Variants in LDLRAP1 observed in about 807,000 individuals in gnomAD.
LDLRAP1 encodes the protein low density lipoprotein receptor adapter protein 1.
LDLRAP1 carries 30 observed loss-of-function variants against 37.8 expected under a neutral mutation model. The ratio of observed to expected loss-of-function variants is 0.79; its 90% CI spans 0.59 to 1.08. The LOEUF is 1.08. Among genes scored for constraint, LDLRAP1 ranks in the 50% least tolerant of loss-of-function variants. The pLI is 0.00. For synonymous variants in LDLRAP1, 156 were observed against 169.8 expected, an observed-to-expected ratio of 0.92 and a Z score of 0.63; for missense variants, 375 against 401.6, an observed-to-expected ratio of 0.93 and a Z score of 0.57.
At chr1:25,576,546 T>TAAAACAAAATA in the LDLRAP1 span, among the ~76,000 whole-genome samples, 1 of 151,794 alleles carries the variant, frequency 6.6e-6, no homozygotes, top group East Asian at 1.9e-4. Context: ...AAAAACAAAA[T>TAAAACAAAATA]AAAACAAAAT....
At position 25,562,685 on chromosome 1, in the gene LDLRAP1, CGCCTT is replaced by C; in HGVS notation, c.502_506del (p.Ala168Ter). 6.2e-7 allele frequency: 1 copy of C among 1,614,172 alleles called. No homozygotes were observed. Among genetic ancestry groups the C allele is most frequent in the Non-Finnish European group, 8.5e-7 (1 of 1,180,030 alleles). On this transcript the variant is annotated frameshift_variant, in exon 5 of 9. Coordinates refer to ENST00000374338, the MANE Select transcript of LDLRAP1 (RefSeq NM_015627.3). LOFTEE classifies it high-confidence loss of function. ...TCACCGTAGCCCAGGCCTTCAAAGTCGCCTTTGAGTTTTGGCAGGTGTCCAAGGAA... is the reference window on the plus strand; with the variant it reads ...TCACCGTAGCCCAGGCCTTCAAAGTCTGAGTTTTGGCAGGTGTCCAAGGAA...
the LDLRAP1 span, among the ~76,000 whole-genome samples, chr1:25,585,761 C>A: frequency 1.3e-5 from 2 of 152,224 alleles, no homozygotes; most frequent in Non-Finnish European, 2.9e-5. Flanking sequence ...TCCCTTTCTA[C>A]TGCCTACTCC....
At position 25,563,140 on chromosome 1, in the gene LDLRAP1, C is replaced by T. The variant is rs1357309888; in HGVS notation, c.603C>T (p.Pro201=). ...TGGGGGCCCGCCAAGACTGCACCCC[C>T]TCCTTGAAGAGCTGTGAGTCCTGAC... The part of the protein sequence containing the change: ...DVLGARQDCT[P]SLKSLVATGN... The change falls in exon 6 of 9, where the codon CCC becomes CCT. Residue 201 remains proline (P), a synonymous_variant. Coordinates refer to ENST00000374338, the MANE Select transcript of LDLRAP1 (RefSeq NM_015627.3). 5 of 1,607,058 alleles carry T rather than the reference C, an allele frequency of 3.1e-6. No homozygotes were observed. The Admixed American group carries it at 8.3e-5, about 27-fold the overall frequency.
At chr1:25,561,749 A>G (rs75471743) in intron 4 of LDLRAP1, among the ~76,000 whole-genome samples, 4,714 of 152,260 alleles carry the variant, frequency 0.031, 81 homozygotes, top group African/African-American at 0.037. Flanking sequence ...CCTCAGGTGA[A>G]TGTAATTCAC....
chr1:25,561,963 G>C (rs1045594736), intron 4 of LDLRAP1, among the ~76,000 whole-genome samples: 1 of 152,180 alleles, frequency 6.6e-6, no homozygotes, highest in Non-Finnish European at 1.5e-5. Flanking sequence ...TGACATCTGA[G>C]TTGGGTTTGG....
At position 25,567,170 on chromosome 1, in the gene LDLRAP1, T is replaced by G; in HGVS notation, c.*178T>G. On this transcript the variant is annotated 3_prime_UTR_variant, in exon 9 of 9. Transcript: ENST00000374338. ...GAGAGATTTTTCTTTTAAGCCCTGC[T>G]CTTTCTCTGAGAACCAAAAGATGCC... The G allele has an allele frequency of 1.4e-6, 1 of 721,704 alleles. No homozygotes were observed. Among genetic ancestry groups the G allele is most frequent in the Non-Finnish European group, 2.3e-6 (1 of 426,712 alleles). 44.7% of individuals were successfully genotyped at this position (721,704 alleles called of 1,614,324 possible). A position where few individuals can be genotyped will look rare whatever the true frequency, so the allele number is the denominator to read the frequency against.
At chr1:25,548,335 C>CTTTT (rs144789866) in intron 1 of LDLRAP1, among the ~76,000 whole-genome samples, 1 of 82,308 alleles carries the variant, frequency 1.2e-5, no homozygotes, top group Non-Finnish European at 2.1e-5. Context: ...GATGGATACT[C>CTTTT]TTTTTTTTTT....
the LDLRAP1 span, among the ~76,000 whole-genome samples, chr1:25,582,593 A>T: frequency 6.6e-6 from 1 of 151,976 alleles, no homozygotes; most frequent in Non-Finnish European, 1.5e-5. Flanking sequence ...CAAAAAAAAA[A>T]AAAAAATTAC....
chr1:25,556,331 G>C (rs182107472), intron 3 of LDLRAP1, among the ~76,000 whole-genome samples: 1 of 152,146 alleles, frequency 6.6e-6, no homozygotes, highest in Non-Finnish European at 1.5e-5. Flanking sequence ...CCGAGGGCTC[G>C]GGTGGCCCCT....
chr1:25,580,579 C>T, the LDLRAP1 span, among the ~76,000 whole-genome samples: 1 of 152,320 alleles, frequency 6.6e-6, no homozygotes, highest in East Asian at 1.9e-4. Flanking sequence ...ACAATCACAG[C>T]TCATTGCAGC....
At chr1:25,583,540 A>G in the LDLRAP1 span, among the ~76,000 whole-genome samples, 1 of 152,058 alleles carries the variant, frequency 6.6e-6, no homozygotes, top group Non-Finnish European at 1.5e-5. Flanking sequence ...TTTGCAAATA[A>G]TATGCTAGGT....
rs566809937 is a variant in LDLRAP1 at position 25,556,999 on chromosome 1, C to G, written c.345-154C>G. ...CCTCCTGCACAGATGGCCTAGGTAC[C>G]CAGCCTGGAGGCCAAGGCTGGATTC... On this transcript the variant is annotated intron_variant, in intron 3 of 8. Coordinates refer to ENST00000374338, the MANE Select transcript of LDLRAP1 (RefSeq NM_015627.3). Among the ~76,000 whole-genome samples the G allele has an allele frequency of 5.9e-5, 9 of 152,290 alleles. No homozygotes were observed. The East Asian group carries it at 1.7e-3, about 29-fold the overall frequency.
intron 1 of LDLRAP1, among the ~76,000 whole-genome samples, chr1:25,549,288 G>A (rs1221086132): frequency 2.0e-5 from 3 of 152,160 alleles, no homozygotes; most frequent in African/African-American, 7.2e-5. Context: ...TGTCACTCTG[G>A]CCTCTGAGGC....
chr1:25,548,309 T>C, intron 1 of LDLRAP1, among the ~76,000 whole-genome samples: 1 of 146,860 alleles, frequency 6.8e-6, no homozygotes, highest in Non-Finnish European at 1.5e-5. Flanking sequence ...CAGTTCATCC[T>C]CAAGACAACC....
intron 4 of LDLRAP1, among the ~76,000 whole-genome samples, chr1:25,559,157 C>T (rs146411749): frequency 2.6e-3 from 391 of 152,266 alleles, no homozygotes; most frequent in Non-Finnish European, 3.6e-3. Flanking sequence ...AGATGTGACT[C>T]GTGGCTTTGT....
intron 1 of LDLRAP1, among the ~76,000 whole-genome samples, chr1:25,551,997 A>G (rs1051356988): frequency 6.6e-6 from 1 of 152,156 alleles, no homozygotes; most frequent in Non-Finnish European, 1.5e-5. Flanking sequence ...CAGCCCTGAC[A>G]CCCGCACCCT....
the LDLRAP1 span, among the ~76,000 whole-genome samples, chr1:25,578,102 T>C: frequency 6.6e-6 from 1 of 152,336 alleles, no homozygotes; most frequent in South Asian, 2.1e-4. Flanking sequence ...TTCAGAGATC[T>C]CACCCCAACA....
chr1:25,574,660 C>T, the LDLRAP1 span, among the ~76,000 whole-genome samples: 1 of 152,088 alleles, frequency 6.6e-6, no homozygotes, highest in Non-Finnish European at 1.5e-5. Context: ...TCTCTTGGTC[C>T]CTGCCAGCCG....
At chr1:25,566,541 C>T (rs2044484879) in intron 8 of LDLRAP1, among the ~76,000 whole-genome samples, 1 of 151,920 alleles carries the variant, frequency 6.6e-6, no homozygotes, top group African/African-American at 2.4e-5. Context: ...CCCACCCCCA[C>T]CCCCGCTGCT....
Sources: gnomAD v4.1 joint callset for allele counts (sites outside exome capture counted in the v4.1 genomes callset) on GRCh38, gnomAD v4.1.1 for gene constraint, MANE v1.5 for transcripts, NCBI Gene and HGNC (gene_info 2026-07-23, HGNC 2026-07-21) for gene names.